The following AMOTL1 variants were observed in gnomAD, a reference collection of about 807,000 sequenced individuals.
AMOTL1 encodes angiomotin like 1, also known as angiomotin-like protein 1.
A neutral mutation model predicts 102.9 loss-of-function variants in AMOTL1; 45 were observed. The ratio of observed to expected loss-of-function variants is 0.44; its 90% CI spans 0.34 to 0.56. AMOTL1 has a LOEUF of 0.56. Ranked by LOEUF, AMOTL1 falls within the 20% of genes least tolerant of loss-of-function variation. The pLI is 0.01. For synonymous variants in AMOTL1, 481 were observed against 484.7 expected (o/e 0.99, Z 0.10); for missense variants, 1,114 against 1,225.6 (o/e 0.91, Z 1.36).
At chr11:94,765,377 GTTATTGATAAC>G (rs1950843621), upstream of AMOTL1, among the ~76,000 whole-genome samples, 1 of 152,170 alleles carries the variant, frequency 6.6e-6, no homozygotes, top group Non-Finnish European at 1.5e-5. Flanking sequence ...ACTGAAAGAT[GTTATTGATAAC>G]TTCTTGCTAG....
At chr11:94,784,038 A>G (rs1951147329) in intron 1 of AMOTL1, among the ~76,000 whole-genome samples, 1 of 152,066 alleles carries the variant, frequency 6.6e-6, no homozygotes, top group Non-Finnish European at 1.5e-5. Flanking sequence ...TGTATAGTAC[A>G]AAGGAGAAAA....
intron 3 of AMOTL1, among the ~76,000 whole-genome samples, chr11:94,761,802 T>C (rs536460180): frequency 6.0e-4 from 91 of 152,322 alleles, no homozygotes; most frequent in Admixed American, 1.1e-3. Context: ...CTGTCTTTCC[T>C]TGGCTTTTAA....
rs1953098006 is a variant in AMOTL1 at position 94,876,507 on chromosome 11, A to G, written c.*5712A>G. The G allele has an allele frequency of 6.6e-6, 1 of 152,648 alleles. No homozygotes were observed. Among genetic ancestry groups the G allele is most frequent in the Non-Finnish European group, 1.5e-5 (1 of 68,048 alleles). The allele number at this position is 152,648 out of a possible 1,614,324, so 9.5% of individuals were successfully genotyped here. ...GTATTGAGGGGTGATGTACATGGCC[A>G]TACAGCCAAATGGGTCTGTGTACCA... On this transcript the variant is annotated 3_prime_UTR_variant, in exon 13 of 13. Coordinates refer to ENST00000433060, the MANE Select transcript of AMOTL1 (RefSeq NM_130847.3).
intron 8 of AMOTL1, among the ~76,000 whole-genome samples, chr11:94,854,695 T>C (rs2135718306): frequency 6.6e-6 from 1 of 152,166 alleles, no homozygotes; most frequent in South Asian, 2.1e-4. Flanking sequence ...GATGTTAAAG[T>C]TGCAGAGGCC....
In AMOTL1 at chr11:94,794,994, C is replaced by CGCTT. The variant is rs760531244; in HGVS notation, c.50-16_50-13dup. 3.1e-6 allele frequency: 5 copies of CGCTT among 1,598,290 alleles called. No individual in the cohort carries two copies. The highest frequency in any genetic ancestry group is 4.3e-6 in the Non-Finnish European group (5 of 1,174,748). The stretch of plus-strand genomic sequence containing the variant: ...ACTTGATGGGCACTCATATTCACTT[C>CGCTT]GCTTTCTTTCCCCCAGGGTCCCCTT... On this transcript the variant is annotated splice_polypyrimidine_tract_variant and intron_variant, in intron 1 of 12. Coordinates refer to ENST00000433060, the MANE Select transcript of AMOTL1 (RefSeq NM_130847.3).
At chr11:94,775,657 A>G (rs1951017394) in intron 1 of AMOTL1, among the ~76,000 whole-genome samples, 1 of 152,210 alleles carries the variant, frequency 6.6e-6, no homozygotes. Context: ...GCCACAGTTC[A>G]AGTGCTTAAT....
intron 2 of AMOTL1, among the ~76,000 whole-genome samples, chr11:94,737,533 T>G (rs1950454145): frequency 1.3e-5 from 2 of 152,232 alleles, no homozygotes; most frequent in South Asian, 4.1e-4. Flanking sequence ...ATGATTATTA[T>G]CTCCATGTTT....
intron 1 of AMOTL1, among the ~76,000 whole-genome samples, chr11:94,710,172 T>C (rs539351145): frequency 7.2e-5 from 11 of 152,142 alleles, no homozygotes; most frequent in African/African-American, 2.6e-4. Flanking sequence ...ATGGAATTTG[T>C]TAGGGGAAGG....
rs576982244 is a variant in AMOTL1, at chr11:94,874,501, A to G, written c.*3706A>G. On this transcript the variant is annotated 3_prime_UTR_variant, in exon 13 of 13. Coordinates refer to ENST00000433060, the MANE Select transcript of AMOTL1 (RefSeq NM_130847.3). The stretch of plus-strand genomic sequence containing the variant: ...ACTCATGTATGAGTTTGACTCCACA[A>G]GGCTTGGCATGGATACCAAAACAGT... 2 of 152,356 alleles carry G rather than the reference A, an allele frequency of 1.3e-5. No individual in the cohort carries two copies. Among genetic ancestry groups the G allele is most frequent in the Non-Finnish European group, 2.9e-5 (2 of 68,040 alleles). 9.4% of individuals were successfully genotyped at this position (152,356 alleles called of 1,614,324 possible). A position where few individuals can be genotyped will look rare whatever the true frequency, so the allele number is the denominator to read the frequency against.
At chr11:94,861,493 G>C (rs2135731594) in intron 9 of AMOTL1, among the ~76,000 whole-genome samples, 1 of 152,320 alleles carries the variant, frequency 6.6e-6, no homozygotes, top group African/African-American at 2.4e-5. Flanking sequence ...CTTCCTCCCT[G>C]CAATTTTAAT....
chr11:94,755,075 T>A (rs939988478), intron 3 of AMOTL1, among the ~76,000 whole-genome samples: 1 of 152,184 alleles, frequency 6.6e-6, no homozygotes, highest in Non-Finnish European at 1.5e-5. Flanking sequence ...ATTTAGGTGC[T>A]TACATCGATG....
At chr11:94,864,703 C>A (rs758932825) in intron 9 of AMOTL1, 32 bp from the exon 10 acceptor site, 18 of 1,604,514 alleles carry the variant, frequency 1.1e-5, no homozygotes, top group Non-Finnish European at 2.6e-6. Context: ...AGAAGGTTTC[C>A]TATGATCAAA....
chr11:94,740,342 T>A (rs1019288194), intron 2 of AMOTL1: 12 of 152,262 alleles, frequency 7.9e-5, no homozygotes, highest in African/African-American at 2.9e-4. Context: ...GAACGGGTTA[T>A]GCTCTGATTT....
In AMOTL1 at chr11:94,795,124, A is replaced by G. The variant is rs1266986064; in HGVS notation, c.163A>G (p.Thr55Ala). 5.6e-6 allele frequency: 9 copies of G among 1,613,766 alleles called. No homozygotes were observed. The highest frequency in any genetic ancestry group is 1.3e-5 in the African/African-American group (1 of 74,896). ...TGGGAGGCATGAAACATCTGCTTTG[A>G]CGGTGGAGGCAACCAGTAGCATCAG... is the stretch of plus-strand genomic sequence containing the variant. ...YSGRHETSAL[T>A]VEATSSIREK... Residue 55 changes from threonine to alanine, a missense_variant, in exon 2 of 13, where the codon ACG becomes GCG. Coordinates refer to ENST00000433060, the MANE Select transcript of AMOTL1 (RefSeq NM_130847.3).
At chr11:94,728,492 T>C (rs1258524213) in intron 1 of AMOTL1, among the ~76,000 whole-genome samples, 2 of 152,138 alleles carry the variant, frequency 1.3e-5, no homozygotes, top group Non-Finnish European at 1.5e-5. Context: ...ACAAGGAAGA[T>C]AAAAAGTAGT....
At chr11:94,838,562 G>A (rs539774509) in intron 6 of AMOTL1, among the ~76,000 whole-genome samples, 37 of 152,242 alleles carry the variant, frequency 2.4e-4, no homozygotes, top group African/African-American at 8.7e-4. Flanking sequence ...CAGGCTGTGG[G>A]CTGGGTTTGG....
At chr11:94,730,205 C>T (rs1950325499) in intron 2 of AMOTL1, among the ~76,000 whole-genome samples, 1 of 152,162 alleles carries the variant, frequency 6.6e-6, no homozygotes, top group Non-Finnish European at 1.5e-5. Flanking sequence ...CAGATCTGAC[C>T]TCTGCCTGCC....
intron 3 of AMOTL1, among the ~76,000 whole-genome samples, chr11:94,815,159 C>A (rs1015866448): frequency 9.9e-5 from 15 of 152,062 alleles, no homozygotes; most frequent in Admixed American, 4.6e-4. Context: ...CATAAATTAT[C>A]GTTTAGATTC....
intron 9 of AMOTL1, among the ~76,000 whole-genome samples, chr11:94,860,428 A>T (rs947291610): frequency 6.6e-6 from 1 of 152,150 alleles, no homozygotes; most frequent in Non-Finnish European, 1.5e-5. Context: ...TGTATGGCTT[A>T]TTCTGTCTTT....
Sources: gnomAD v4.1 joint callset for allele counts (sites outside exome capture counted in the v4.1 genomes callset) on GRCh38, gnomAD v4.1.1 for gene constraint, MANE v1.5 for transcripts, NCBI Gene and HGNC (gene_info 2026-07-23, HGNC 2026-07-21) for gene names.